TSGA10: variants seen among roughly 807,000 people sequenced by gnomAD.
The protein encoded by TSGA10 is testis specific 10.
TSGA10 carries 43 observed loss-of-function variants against 96.6 expected under a neutral mutation model. The observed-to-expected ratio is 0.44, with a 90% CI of 0.35 to 0.57. The LOEUF (loss-of-function observed/expected upper bound fraction) is 0.57. Ranked by LOEUF, TSGA10 falls within the 20% of genes least tolerant of loss-of-function variation. The probability of loss-of-function intolerance (pLI) is 0.01; values close to 1 mark genes in which losing one functional copy is unlikely to be tolerated. For synonymous variants in TSGA10, 229 were observed against 269.9 expected (o/e 0.85, Z 1.48); for missense variants, 703 against 834.4 (o/e 0.84, Z 1.94).
chr2:99,044,283 T>G (rs115293665), intron 16 of TSGA10, among the ~76,000 whole-genome samples: 3,283 of 147,514 alleles, frequency 0.022, 42 homozygotes, highest in Middle Eastern at 0.047. Flanking sequence ...GAGATCCATC[T>G]CACGTACGAA....
At chr2:99,149,404 G>A (rs1284267596) in intron 1 of TSGA10, among the ~76,000 whole-genome samples, 1 of 150,674 alleles carries the variant, frequency 6.6e-6, no homozygotes, top group Non-Finnish European at 1.5e-5. Flanking sequence ...CCTCCTTTGG[G>A]AAACTTCCCA....
In TSGA10 at chr2:98,998,194, G is replaced by C; in HGVS notation, c.*3C>G. 1 of 1,598,728 alleles carries C rather than the reference G, an allele frequency of 6.3e-7. No individual in the cohort carries two copies. The highest frequency in any genetic ancestry group is 8.5e-7 in the Non-Finnish European group (1 of 1,174,660). On this transcript the variant is annotated 3_prime_UTR_variant, in exon 21 of 21. Coordinates refer to ENST00000393483, the MANE Select transcript of TSGA10 (RefSeq NM_025244.4). The stretch of plus-strand genomic sequence containing the variant: ...TCAGGGATGTGAAGAATCATTTCAG[G>C]TGTCAGAAATCTCTGTAGCAAAGAT...
At chr2:99,098,611 C>A (rs1339906151) in intron 10 of TSGA10, among the ~76,000 whole-genome samples, 1 of 88,300 alleles carries the variant, frequency 1.1e-5, no homozygotes, top group Non-Finnish European at 2.7e-5. Context: ...AAAAAACAAA[C>A]AATAGGATCA....
At position 99,068,929 on chromosome 2, in the gene TSGA10, T is replaced by G. The variant is rs1558908621; in HGVS notation, c.1177A>C (p.Asn393His). The change falls in exon 15 of 21, where the codon AAT becomes CAT. Residue 393 changes from asparagine (N) to histidine (H), a missense_variant. This residue lies in a region of TSGA10 where 585 missense variants were observed against 656.8 expected (regional missense o/e 0.89). Transcript: ENST00000393483. ...NDIKQKVQDT[N>H]LEVNKLKNIL... ...TTCTTCAGCTTGTTAACCTCCAAAT[T>G]AGTATCTTGAACCTTCTGTTTTATG... The G allele has an allele frequency of 6.8e-7, 1 of 1,467,696 alleles. No homozygotes were observed. The highest frequency in any genetic ancestry group is 9.0e-7 in the Non-Finnish European group (1 of 1,113,638). 90.9% of individuals were successfully genotyped at this position (1,467,696 alleles called of 1,614,324 possible).
At chr2:99,064,101 A>C (rs200773780) in intron 16 of TSGA10, among the ~76,000 whole-genome samples, 1 of 152,230 alleles carries the variant, frequency 6.6e-6, no homozygotes, top group Admixed American at 6.5e-5. Context: ...AGAAGAGCTG[A>C]AATTGCACAT....
intron 1 of TSGA10, chr2:99,141,255 G>A (rs932859921): frequency 1.1e-6 from 1 of 886,584 alleles, no homozygotes; most frequent in African/African-American, 1.8e-5. Flanking sequence ...CGCCCCGGCG[G>A]ATCGGAGGAA....
At chr2:99,145,191 C>G (rs1324789033) in intron 1 of TSGA10, among the ~76,000 whole-genome samples, 1 of 152,104 alleles carries the variant, frequency 6.6e-6, no homozygotes, top group Non-Finnish European at 1.5e-5. Flanking sequence ...ATATTCAACG[C>G]CAAAAATGGC....
At chr2:99,094,527 C>G (rs1408235642) in intron 10 of TSGA10, among the ~76,000 whole-genome samples, 3 of 152,120 alleles carry the variant, frequency 2.0e-5, no homozygotes, top group African/African-American at 7.2e-5. Flanking sequence ...TATCCAGAAT[C>G]TACACGGAAC....
chr2:99,001,314 C>T (rs1033956530), intron 20 of TSGA10, among the ~76,000 whole-genome samples: 1 of 152,176 alleles, frequency 6.6e-6, no homozygotes, highest in Non-Finnish European at 1.5e-5. Flanking sequence ...GTTCTGCAGC[C>T]TCCGCTGGTG....
intron 2 of TSGA10, 65 bp downstream of exon 2, chr2:99,126,983 T>G: frequency 8.0e-7 from 1 of 1,250,868 alleles, no homozygotes; most frequent in African/African-American, 1.6e-5. Context: ...TTCTCTATCT[T>G]CTTGTTTCAA....
At chr2:99,034,604 T>C (rs2081452043) in intron 17 of TSGA10, among the ~76,000 whole-genome samples, 1 of 152,190 alleles carries the variant, frequency 6.6e-6, no homozygotes, top group Admixed American at 6.5e-5. Flanking sequence ...TACCCTTGTC[T>C]GTGTTGTTTT....
At chr2:99,092,411 A>C (rs1331727084) in intron 10 of TSGA10, among the ~76,000 whole-genome samples, 1 of 152,118 alleles carries the variant, frequency 6.6e-6, no homozygotes, top group Non-Finnish European at 1.5e-5. Flanking sequence ...CAAACTCAGC[A>C]GAAGAAAAGA....
intron 12 of TSGA10, among the ~76,000 whole-genome samples, chr2:99,077,475 A>G (rs1338249593): frequency 6.6e-6 from 1 of 152,172 alleles, no homozygotes; most frequent in African/African-American, 2.4e-5. Flanking sequence ...ATTTGTGAAA[A>G]CAGCTTAGGA....
intron 16 of TSGA10, among the ~76,000 whole-genome samples, chr2:99,046,346 A>T (rs1002240234): frequency 3.9e-5 from 6 of 152,208 alleles, no homozygotes; most frequent in African/African-American, 1.4e-4. Flanking sequence ...TAGCAAATGT[A>T]AAAGAACAGA....
At chr2:99,141,093 G>A (rs773820364) in intron 1 of TSGA10, 8 of 1,283,212 alleles carry the variant, frequency 6.2e-6, no homozygotes, top group Non-Finnish European at 8.1e-6. Flanking sequence ...CTGGAGCTCC[G>A]GGTCCCTCCC....
At position 99,071,686 on chromosome 2, in the gene TSGA10, G is replaced by T; in HGVS notation, c.1107+20C>A. On this transcript the variant is annotated intron_variant, in intron 14 of 20. Transcript: ENST00000393483. ...CATATTTTTTTTTCTTGGAGAAAAT[G>T]ATTCTAGGAACAAGTGTACCTGGTT... 2 of 1,584,144 alleles carry T rather than the reference G, an allele frequency of 1.3e-6. No individual in the cohort carries two copies. Among genetic ancestry groups the T allele is most frequent in the Non-Finnish European group, 1.7e-6 (2 of 1,167,098 alleles).
intron 17 of TSGA10, among the ~76,000 whole-genome samples, chr2:99,022,341 A>AC (rs2080118783): frequency 6.6e-6 from 1 of 150,986 alleles, no homozygotes; most frequent in African/African-American, 2.4e-5. Flanking sequence ...AAAAAAAAAA[A>AC]AAAAAAAAAA....
chr2:99,066,310 T>C (rs1002497453), intron 15 of TSGA10, among the ~76,000 whole-genome samples: 2 of 152,174 alleles, frequency 1.3e-5, no homozygotes, highest in African/African-American at 4.8e-5. Context: ...AGCAGGAACC[T>C]GATATGTGTT....
intron 4 of TSGA10, among the ~76,000 whole-genome samples, chr2:99,115,844 A>C (rs2092221171): frequency 6.6e-6 from 1 of 152,140 alleles, no homozygotes; most frequent in Non-Finnish European, 1.5e-5. Flanking sequence ...GCGCCACTGC[A>C]CTCCAGCCTG....
Sources: gnomAD v4.1 joint callset for allele counts (sites outside exome capture counted in the v4.1 genomes callset) on GRCh38, gnomAD v4.1.1 for gene constraint, gnomAD v4.1.1 regional missense constraint, MANE v1.5 for transcripts, NCBI Gene and HGNC (gene_info 2026-07-23, HGNC 2026-07-21) for gene names.